COL25A1: variants seen among roughly 807,000 people sequenced by gnomAD.
COL25A1 encodes collagen alpha-1(XXV) chain.
Under a neutral mutation model 128.4 loss-of-function variants are expected in COL25A1, and 103 were observed. The observed-to-expected ratio is 0.80, with a 90% CI of 0.68 to 0.94. The LOEUF is 0.94. Among genes scored for constraint, COL25A1 ranks in the 40% least tolerant of loss-of-function variants. COL25A1 has a pLI of 0.00. For synonymous variants in COL25A1, 279 were observed against 277.2 expected (o/e 1.01, Z -0.06); for missense variants, 745 against 840.0 (o/e 0.89, Z 1.40).
At chr4:108,840,184 G>A (rs1487119329) in intron 31 of COL25A1, among the ~76,000 whole-genome samples, 1 of 148,502 alleles carries the variant, frequency 6.7e-6, no homozygotes, top group African/African-American at 2.5e-5. Context: ...GGAGGTTGCA[G>A]CGAGCCAAGA....
intron 12 of COL25A1, 113 bp from the exon 13 acceptor site, chr4:108,918,329 T>G: frequency 1.5e-6 from 1 of 662,328 alleles, no homozygotes; most frequent in African/African-American, 1.9e-5. Flanking sequence ...GGAAGTCTTA[T>G]TTTTCAGACC....
intron 37 of COL25A1, among the ~76,000 whole-genome samples, chr4:108,814,373 C>T (rs1300075022): frequency 5.9e-5 from 9 of 152,184 alleles, no homozygotes; most frequent in Admixed American, 2.6e-4. Context: ...ATGTTGTTTA[C>T]GTCACCAACA....
intron 35 of COL25A1, among the ~76,000 whole-genome samples, chr4:108,821,024 T>G: frequency 6.6e-6 from 1 of 152,198 alleles, no homozygotes; most frequent in Non-Finnish European, 1.5e-5. Flanking sequence ...CTTAAATAAA[T>G]GTATTCATTC....
chr4:109,275,962 C>T (rs1195561788), intron 3 of COL25A1, among the ~76,000 whole-genome samples: 2 of 152,198 alleles, frequency 1.3e-5, no homozygotes, highest in African/African-American at 4.8e-5. Context: ...TGGGCAAACA[C>T]CTACCCATTA....
chr4:108,967,968 C>T (rs1376947043), intron 8 of COL25A1, among the ~76,000 whole-genome samples: 4 of 151,974 alleles, frequency 2.6e-5, no homozygotes, highest in African/African-American at 7.3e-5. Context: ...GCGTGGTGAC[C>T]GACAGCACAG....
intron 8 of COL25A1, among the ~76,000 whole-genome samples, chr4:108,972,146 A>T (rs1381927179): frequency 6.6e-6 from 1 of 152,190 alleles, no homozygotes; most frequent in Non-Finnish European, 1.5e-5. Context: ...AAGAGCTGAC[A>T]TGATGGAGTT....
chr4:109,217,990 T>C (rs571653927), intron 3 of COL25A1, among the ~76,000 whole-genome samples: 3 of 152,304 alleles, frequency 2.0e-5, no homozygotes, highest in South Asian at 2.1e-4. Context: ...TTCCCATAGC[T>C]AGTAAGTAGT....
At chr4:109,025,217 G>A (rs1332363636) in intron 5 of COL25A1, among the ~76,000 whole-genome samples, 3 of 152,124 alleles carry the variant, frequency 2.0e-5, no homozygotes, top group Admixed American at 6.5e-5. Flanking sequence ...TTACAGACAT[G>A]TTTAGTAGGA....
At chr4:109,024,380 T>C (rs1305956819) in intron 5 of COL25A1, among the ~76,000 whole-genome samples, 1 of 152,004 alleles carries the variant, frequency 6.6e-6, no homozygotes, top group African/African-American at 2.4e-5. Flanking sequence ...ATTATGCTTA[T>C]TTATACTGTA....
intron 8 of COL25A1, among the ~76,000 whole-genome samples, chr4:108,950,566 T>C (rs557730830): frequency 2.6e-5 from 4 of 152,212 alleles, no homozygotes; most frequent in Non-Finnish European, 5.9e-5. Flanking sequence ...ATATTTTCCT[T>C]TTCTAAAGAC....
At chr4:108,900,789 A>G (rs1742742422) in intron 14 of COL25A1, among the ~76,000 whole-genome samples, 1 of 152,142 alleles carries the variant, frequency 6.6e-6, no homozygotes, top group Non-Finnish European at 1.5e-5. Context: ...GGCAATATGG[A>G]CATGACCTAT....
At position 109,254,469 on chromosome 4, in the gene COL25A1, T is replaced by TTATATATATATATATATATA. The variant is rs55997800; in HGVS notation, c.367+46094_367+46113dup. On this transcript the variant is annotated intron_variant, in intron 3 of 37. Coordinates refer to ENST00000399132, the MANE Select transcript of COL25A1 (RefSeq NM_198721.4). ...GTGCTATGTACATGTAGGCATATGTTTATATATATATATATATATATATAT... is the reference window on the plus strand; with the variant it reads ...GTGCTATGTACATGTAGGCATATGTTTATATATATATATATATATATATATATATATATATATATATATAT... Among the ~76,000 whole-genome samples the TTATATATATATATATATATA allele has an allele frequency of 1.7e-3, 104 of 59,506 alleles. 1 individual carries two copies. Among genetic ancestry groups the TTATATATATATATATATATA allele is most frequent in the Middle Eastern group, 0.014 (1 of 70 alleles). The allele number at this position is 59,506 out of a possible 152,430, so 39.0% of individuals were successfully genotyped here. A position where few individuals can be genotyped will look rare whatever the true frequency, so the allele number is the denominator to read the frequency against.
At chr4:109,024,383 A>T (rs941145980) in intron 5 of COL25A1, among the ~76,000 whole-genome samples, 1 of 152,000 alleles carries the variant, frequency 6.6e-6, no homozygotes, top group South Asian at 2.1e-4. Context: ...ATGCTTATTT[A>T]TACTGTAGTA....
intron 5 of COL25A1, among the ~76,000 whole-genome samples, chr4:109,039,031 A>C (rs905926689): frequency 6.6e-6 from 1 of 151,924 alleles, no homozygotes; most frequent in Non-Finnish European, 1.5e-5. Context: ...TCTCCTCTTC[A>C]TTCCTACATC....
At position 108,819,234 on chromosome 4, in the gene COL25A1, G is replaced by A; in HGVS notation, c.1923+18C>T. 1 of 1,581,524 alleles carries A rather than the reference G, an allele frequency of 6.3e-7. No individual in the cohort carries two copies. The highest frequency in any genetic ancestry group is 8.6e-7 in the Non-Finnish European group (1 of 1,163,136). On this transcript the variant is annotated intron_variant, in intron 36 of 37. Coordinates refer to ENST00000399132, the MANE Select transcript of COL25A1 (RefSeq NM_198721.4). ...AAAGGAACTGCATGCAGGGTGGTAG[G>A]AAAGAGAAATACTGTACCAATTGGC... is the stretch of plus-strand genomic sequence containing the variant.
intron 5 of COL25A1, among the ~76,000 whole-genome samples, chr4:109,042,875 A>G (rs1014503000): frequency 6.6e-6 from 1 of 152,120 alleles, no homozygotes; most frequent in East Asian, 1.9e-4. Flanking sequence ...AAGAGCAGTC[A>G]TAAGATGTAA....
intron 14 of COL25A1, among the ~76,000 whole-genome samples, chr4:108,900,221 A>C (rs1484188939): frequency 6.6e-6 from 1 of 152,202 alleles, no homozygotes; most frequent in Non-Finnish European, 1.5e-5. Context: ...TGCATTAAGC[A>C]TTAACTCCCA....
At chr4:109,028,162 T>G (rs1299575994) in intron 5 of COL25A1, among the ~76,000 whole-genome samples, 1 of 152,214 alleles carries the variant, frequency 6.6e-6, no homozygotes, top group African/African-American at 2.4e-5. Flanking sequence ...TCTCACTTTG[T>G]CACCCAGGCT....
intron 3 of COL25A1, among the ~76,000 whole-genome samples, chr4:109,231,753 C>T (rs1236191296): frequency 2.6e-5 from 4 of 152,146 alleles, no homozygotes; most frequent in Admixed American, 2.0e-4. Flanking sequence ...AATGGAAATG[C>T]GCAACCTTGC....
Sources: allele counts gnomAD v4.1 joint callset (sites outside exome capture counted in the v4.1 genomes callset), GRCh38; gene constraint gnomAD v4.1.1; transcripts MANE v1.5; gene names NCBI Gene and HGNC (gene_info 2026-07-23, HGNC 2026-07-21).